The following SOX5 variants were observed in gnomAD, a reference collection of about 807,000 sequenced individuals.
The protein encoded by SOX5 is SRY-box transcription factor 5.
SOX5 carries 9 observed loss-of-function variants against 92.0 expected under a neutral mutation model. That is an observed-to-expected ratio of 0.10 (90% CI 0.06 to 0.17). The LOEUF (loss-of-function observed/expected upper bound fraction) is 0.17. Ranked by LOEUF, SOX5 falls within the 10% of genes least tolerant of loss-of-function variation. The pLI is 1.00. For synonymous variants in SOX5, 344 were observed against 336.3 expected, an observed-to-expected ratio of 1.02 and a Z score of -0.25; for missense variants, 642 against 944.5, an observed-to-expected ratio of 0.68 and a Z score of 4.20.
chr12:24,000,901 G>A (rs913573053), intron 4 of SOX5, among the ~76,000 whole-genome samples: 2 of 152,028 alleles, frequency 1.3e-5, no homozygotes, highest in African/African-American at 4.8e-5. Context: ...GAATTAGACA[G>A]GATATACAAG....
At chr12:23,755,501 TAGAA>T in intron 4 of SOX5, 133 bp downstream of exon 4, 2 of 618,078 alleles carry the variant, frequency 3.2e-6, no homozygotes, top group Non-Finnish European at 5.5e-6. Context: ...TCCTTCAAGA[TAGAA>T]AGAAGAAACC....
intron 7 of SOX5, among the ~76,000 whole-genome samples, chr12:23,653,051 G>GATGA (rs1402301709): frequency 6.6e-6 from 1 of 151,628 alleles, no homozygotes; most frequent in Non-Finnish European, 1.5e-5. Context: ...TGGATGGATG[G>GATGA]ATGGATGGAT....
chr12:23,844,252 A>G (rs2096550862), intron 3 of SOX5, among the ~76,000 whole-genome samples: 1 of 152,258 alleles, frequency 6.6e-6, no homozygotes, highest in South Asian at 2.1e-4. Context: ...TACTGCATAC[A>G]GGAAAATATC....
rs535679415 is a variant in SOX5, at chr12:24,166,879, G to A, written c.-2+46464C>T. On this transcript the variant is annotated intron_variant, in intron 4 of 4. Coordinates refer to the SOX5 transcript ENST00000446891. ...TCACCTCTTTGAGCACATAAGCAAAGTGTTCTATGAGGAGGTATTTACTTG... is the reference window on the plus strand; with the variant it reads ...TCACCTCTTTGAGCACATAAGCAAAATGTTCTATGAGGAGGTATTTACTTG... Among the ~76,000 whole-genome samples the A allele has an allele frequency of 3.3e-5, 5 of 152,216 alleles. 1 individual carries two copies. The South Asian group carries it at 1.0e-3, about 32-fold the overall frequency.
intron 1 of SOX5, among the ~76,000 whole-genome samples, chr12:24,422,988 G>T (rs905511127): frequency 1.3e-5 from 2 of 152,176 alleles, no homozygotes; most frequent in South Asian, 4.1e-4. Flanking sequence ...TCCAGCCTGG[G>T]TGACAGAGTG....
chr12:23,569,686 T>C (rs1947802349), intron 10 of SOX5, among the ~76,000 whole-genome samples: 1 of 152,242 alleles, frequency 6.6e-6, no homozygotes, highest in African/African-American at 2.4e-5. Context: ...TCCACACTCC[T>C]GTATCCCAAG....
chr12:23,768,798 C>A (rs1356114498), intron 3 of SOX5, among the ~76,000 whole-genome samples: 4 of 151,950 alleles, frequency 2.6e-5, no homozygotes, highest in Non-Finnish European at 5.9e-5. Context: ...ATCTTTATTG[C>A]TTGACAGGGT....
chr12:23,972,037 G>GT (rs567090263), intron 4 of SOX5, among the ~76,000 whole-genome samples: 4 of 152,094 alleles, frequency 2.6e-5, no homozygotes, highest in African/African-American at 7.2e-5. Flanking sequence ...TATGTGTTAG[G>GT]TATTCAATGT....
intron 4 of SOX5, among the ~76,000 whole-genome samples, chr12:24,169,900 T>C (rs898183532): frequency 1.3e-5 from 2 of 152,220 alleles, no homozygotes; most frequent in Non-Finnish European, 2.9e-5. Flanking sequence ...TCCAGCCTTA[T>C]ACTTGTCCAG....
intron 1 of SOX5, among the ~76,000 whole-genome samples, chr12:24,386,433 T>C (rs1215377780): frequency 6.6e-6 from 1 of 152,188 alleles, no homozygotes; most frequent in Non-Finnish European, 1.5e-5. Context: ...TAATTAATAC[T>C]ATTATCAATC....
Position 24,343,531 on chromosome 12 carries a change from A to T in SOX5, c.-174+25032T>A, listed in dbSNP as rs114900492. The stretch of plus-strand genomic sequence containing the variant: ...ATAAAGTATATTAGATAGAATACAT[A>T]TATGAAGCCATCTAAGATATCTGTG... On this transcript the variant is annotated intron_variant, in intron 2 of 4. Transcript: ENST00000446891. 4.6e-3 allele frequency among the ~76,000 whole-genome samples: 697 copies of T among 152,056 alleles called. 5 individuals carry two copies. The highest frequency in any genetic ancestry group is 0.016 in the African/African-American group (675 of 41,518).
intron 3 of SOX5, among the ~76,000 whole-genome samples, chr12:23,818,920 C>T (rs1036893915): frequency 6.6e-5 from 10 of 152,132 alleles, no homozygotes; most frequent in African/African-American, 1.9e-4. Context: ...GGAAGGTCTT[C>T]AGGGGCTATG....
chr12:24,109,980 ATTG>A (rs1285519790), intron 4 of SOX5, among the ~76,000 whole-genome samples: 2 of 152,136 alleles, frequency 1.3e-5, no homozygotes, highest in East Asian at 1.9e-4. Context: ...CTGATGACAC[ATTG>A]TTAGAATAAT....
intron 4 of SOX5, among the ~76,000 whole-genome samples, chr12:23,971,120 A>AATTTTTTT (rs1460686832): frequency 6.9e-5 from 1 of 14,514 alleles, no homozygotes; most frequent in African/African-American, 2.2e-4. Context: ...GTGTCAGCTG[A>AATTTTTTT]CTTTTTTTTT....
intron 4 of SOX5, among the ~76,000 whole-genome samples, chr12:24,020,544 C>A (rs1028458229): frequency 1.3e-5 from 2 of 152,142 alleles, no homozygotes; most frequent in African/African-American, 4.8e-5. Flanking sequence ...GGTCTGCTAT[C>A]ATTCGGCCTT....
intron 1 of SOX5, among the ~76,000 whole-genome samples, chr12:23,918,332 G>A (rs962498840): frequency 1.3e-5 from 2 of 152,100 alleles, no homozygotes; most frequent in Non-Finnish European, 2.9e-5. Flanking sequence ...GGGTAACAAC[G>A]GCATACAATT....
At chr12:24,206,973 A>G (rs1958086843) in intron 4 of SOX5, among the ~76,000 whole-genome samples, 1 of 152,154 alleles carries the variant, frequency 6.6e-6, no homozygotes, top group South Asian at 2.1e-4. Flanking sequence ...TTCTGGGGAC[A>G]CCCCAGGCAA....
chr12:23,598,047 A>G (rs1172413857), intron 9 of SOX5, among the ~76,000 whole-genome samples: 2 of 152,154 alleles, frequency 1.3e-5, no homozygotes, highest in African/African-American at 2.4e-5. Flanking sequence ...CTCTTTTATT[A>G]ATACTATTTC....
At chr12:24,061,029 T>A (rs1245692554) in intron 4 of SOX5, among the ~76,000 whole-genome samples, 1 of 152,116 alleles carries the variant, frequency 6.6e-6, no homozygotes. Flanking sequence ...GAGCCCAGTA[T>A]CACCTCACAG....
Sources: gnomAD v4.1 joint callset for allele counts (sites outside exome capture counted in the v4.1 genomes callset) on GRCh38, gnomAD v4.1.1 for gene constraint, MANE v1.5 for transcripts, NCBI Gene and HGNC (gene_info 2026-07-23, HGNC 2026-07-21) for gene names.